STAG1: variants seen among roughly 807,000 people sequenced by gnomAD.
STAG1 encodes the protein STAG1 cohesin complex component.
A neutral mutation model predicts 170.9 loss-of-function variants in STAG1; 26 were observed. The observed-to-expected ratio is 0.15, with a 90% CI of 0.11 to 0.21. The LOEUF is 0.21. Among genes scored for constraint, STAG1 ranks in the 10% least tolerant of loss-of-function variants. STAG1 has a pLI of 1.00. For synonymous variants in STAG1, 514 were observed against 497.7 expected (o/e 1.03, Z -0.44); for missense variants, 964 against 1,509.5 (o/e 0.64, Z 5.99).
chr3:136,449,487 G>A (rs2088875827), intron 14 of STAG1, among the ~76,000 whole-genome samples: 1 of 151,826 alleles, frequency 6.6e-6, no homozygotes, highest in South Asian at 2.1e-4. Flanking sequence ...TTGAATCTGG[G>A]AGACAGAGGT....
intron 9 of STAG1, among the ~76,000 whole-genome samples, chr3:136,495,920 G>A (rs1438968702): frequency 6.9e-6 from 1 of 144,402 alleles, no homozygotes; most frequent in African/African-American, 2.6e-5. Context: ...AGAGAGCAGA[G>A]ACCGTGCACC....
chr3:136,523,369 T>G (rs1305505450), intron 6 of STAG1, among the ~76,000 whole-genome samples: 2 of 152,180 alleles, frequency 1.3e-5, no homozygotes, highest in Non-Finnish European at 2.9e-5. Context: ...AATGTCTTCT[T>G]TTGAGAAGTG....
intron 9 of STAG1, 178 bp downstream of exon 9, chr3:136,500,045 G>C: frequency 1.9e-6 from 1 of 520,890 alleles, no homozygotes; most frequent in Non-Finnish European, 3.5e-6. Context: ...AACAGTGGTA[G>C]TGGCAGCAGT....
At chr3:136,360,814 G>A (rs1445950033) in intron 26 of STAG1, among the ~76,000 whole-genome samples, 1 of 151,866 alleles carries the variant, frequency 6.6e-6, no homozygotes, top group South Asian at 2.1e-4. Context: ...GGCTACAGGC[G>A]CCCGCCACCA....
chr3:136,691,339 G>A (rs1177207323), intron 1 of STAG1, among the ~76,000 whole-genome samples: 2 of 151,966 alleles, frequency 1.3e-5, no homozygotes, highest in Non-Finnish European at 2.9e-5. Context: ...GGAGGCTGCG[G>A]CAGAAGAATG....
At chr3:136,358,914 CAGACA>C (rs1431504293) in intron 27 of STAG1, among the ~76,000 whole-genome samples, 2 of 152,108 alleles carry the variant, frequency 1.3e-5, no homozygotes, top group Non-Finnish European at 2.9e-5. Flanking sequence ...ACTGACAGAC[CAGACA>C]ATAATATGTT....
At chr3:136,602,118 C>T (rs138811626) in intron 4 of STAG1, among the ~76,000 whole-genome samples, 3 of 151,906 alleles carry the variant, frequency 2.0e-5, no homozygotes, top group Non-Finnish European at 2.9e-5. Flanking sequence ...CAGTGGCTCA[C>T]GTCTATAATC....
intron 1 of STAG1, among the ~76,000 whole-genome samples, chr3:136,691,947 C>T (rs754115042): frequency 2.6e-5 from 4 of 152,164 alleles, no homozygotes; most frequent in Non-Finnish European, 5.9e-5. Context: ...TCTAAATGAA[C>T]TATTGTCCTT....
At chr3:136,564,545 A>G (rs954331212) in intron 5 of STAG1, among the ~76,000 whole-genome samples, 1 of 152,222 alleles carries the variant, frequency 6.6e-6, no homozygotes, top group African/African-American at 2.4e-5. Context: ...AATGTCTCAT[A>G]GGTACTTAGG....
chr3:136,620,851 G>A (rs920291621), intron 3 of STAG1, among the ~76,000 whole-genome samples: 1 of 152,096 alleles, frequency 6.6e-6, no homozygotes, highest in South Asian at 2.1e-4. Context: ...AGATTATGTA[G>A]TAGTAACTTC....
chr3:136,537,522 GTGAAGTCTCACTCCATTGCCCAGGC>G (rs1935696674), intron 6 of STAG1, among the ~76,000 whole-genome samples: 1 of 144,994 alleles, frequency 6.9e-6, no homozygotes, highest in Non-Finnish European at 1.5e-5. Flanking sequence ...TTTTTTTGAG[GTGAAGTCTCACTCCATTGCCCAGGC>G]TGGAGTGTGG....
At chr3:136,408,748 G>C (rs2087550704) in intron 21 of STAG1, among the ~76,000 whole-genome samples, 1 of 152,160 alleles carries the variant, frequency 6.6e-6, no homozygotes, top group Admixed American at 6.6e-5. Flanking sequence ...TGTACAGTGT[G>C]TGTGCTGATG....
At chr3:136,625,019 T>C (rs1466004060) in intron 2 of STAG1, among the ~76,000 whole-genome samples, 1 of 152,232 alleles carries the variant, frequency 6.6e-6, no homozygotes, top group Non-Finnish European at 1.5e-5. Context: ...TATGTTGTGT[T>C]TAGCTACCTT....
intron 26 of STAG1, among the ~76,000 whole-genome samples, chr3:136,362,784 T>C (rs1295635680): frequency 6.6e-6 from 1 of 151,996 alleles, no homozygotes; most frequent in East Asian, 1.9e-4. Flanking sequence ...TGGGTACACA[T>C]TAGGTAGGAC....
intron 6 of STAG1, among the ~76,000 whole-genome samples, chr3:136,539,694 T>C (rs1392615188): frequency 6.6e-6 from 1 of 152,200 alleles, no homozygotes; most frequent in Non-Finnish European, 1.5e-5. Flanking sequence ...AGCCCATAGA[T>C]TGCTCTGGGA....
intron 26 of STAG1, 89 bp downstream of exon 26, chr3:136,363,277 A>G (rs115769262): frequency 0.037 from 24,882 of 675,054 alleles, 588 homozygotes; most frequent in Non-Finnish European, 0.044. Context: ...CCTAGTTTAA[A>G]TGAGATGAGA....
At chr3:136,675,011 T>G (rs1559943975) in intron 1 of STAG1, among the ~76,000 whole-genome samples, 1 of 152,264 alleles carries the variant, frequency 6.6e-6, no homozygotes, top group East Asian at 1.9e-4. Context: ...TAAACATAAT[T>G]AAGACTACTG....
intron 5 of STAG1, 108 bp from the exon 6 acceptor site, chr3:136,542,303 T>G (rs953804051): frequency 1.3e-6 from 1 of 759,904 alleles, no homozygotes; most frequent in Non-Finnish European, 2.2e-6. Context: ...AGAATAACCT[T>G]CCAACATATA....
intron 22 of STAG1, among the ~76,000 whole-genome samples, chr3:136,378,542 C>G (rs2108309407): frequency 6.6e-6 from 1 of 152,262 alleles, no homozygotes; most frequent in Non-Finnish European, 1.5e-5. Flanking sequence ...GTGGAGCATG[C>G]CTGTAGTCCG....
Sources: gnomAD v4.1 joint callset for allele counts (sites outside exome capture counted in the v4.1 genomes callset) on GRCh38, gnomAD v4.1.1 for gene constraint, MANE v1.5 for transcripts, NCBI Gene and HGNC (gene_info 2026-07-23, HGNC 2026-07-21) for gene names.